The following KDM1B variants were observed in gnomAD, a reference collection of about 807,000 sequenced individuals.
KDM1B encodes the protein lysine-specific histone demethylase 2.
A neutral mutation model predicts 107.4 loss-of-function variants in KDM1B; 63 were observed. That is an observed-to-expected ratio of 0.59 (90% CI 0.48 to 0.72). The LOEUF (loss-of-function observed/expected upper bound fraction) is 0.72, where lower values mean the gene tolerates loss of function less well. Among genes scored for constraint, KDM1B ranks in the 30% least tolerant of loss-of-function variants. KDM1B has a pLI of 0.00. For synonymous variants in KDM1B, 363 were observed against 363.9 expected (o/e 1.00, Z 0.03); for missense variants, 749 against 1,020.8 (o/e 0.73, Z 3.63).
chr6:18,200,720 C>T lies in KDM1B; in HGVS notation c.1359+144C>T, dbSNP rs1048607453. The T allele has an allele frequency of 1.7e-6, 1 of 586,106 alleles. No homozygotes were observed. Among genetic ancestry groups the T allele is most frequent in the African/African-American group, 1.9e-5 (1 of 52,210 alleles). The allele number at this position is 586,106 out of a possible 1,614,324, so 36.3% of individuals were successfully genotyped here. On this transcript the variant is annotated intron_variant, in intron 13 of 21. Coordinates refer to ENST00000650836, the MANE Select transcript of KDM1B (RefSeq NM_001364614.2). The surrounding 1 kb of genome is among the most constrained non-coding windows in gnomAD (Gnocchi z 4.3). ...ATGCAAAGCAGTAAGAATTACACTT[C>T]TGCCTTTCTGAGAAGGTAGAACTAG...
chr6:18,190,711 G>A (rs1477451299), intron 9 of KDM1B, among the ~76,000 whole-genome samples: 4 of 152,082 alleles, frequency 2.6e-5, no homozygotes, highest in Admixed American at 6.6e-5. Flanking sequence ...AACCAGCTTG[G>A]CCAACATAGT....
chr6:18,202,968 T>C (rs1213233211), intron 14 of KDM1B, among the ~76,000 whole-genome samples: 1 of 152,246 alleles, frequency 6.6e-6, no homozygotes, highest in Admixed American at 6.5e-5. Context: ...TTCCTGGAGT[T>C]GAGAACAGTT....
At chr6:18,187,321 A>C (rs2150915285) in intron 8 of KDM1B, among the ~76,000 whole-genome samples, 1 of 152,308 alleles carries the variant, frequency 6.6e-6, no homozygotes, top group East Asian at 1.9e-4. Flanking sequence ...CTTTGGCAAA[A>C]AGCGGTAATA....
At position 18,185,414 on chromosome 6, in the gene KDM1B, G is replaced by A. The variant is rs1367582338; in HGVS notation, c.535-358G>A. 4.6e-5 allele frequency among the ~76,000 whole-genome samples: 7 copies of A among 151,884 alleles called. No individual in the cohort carries two copies. The East Asian group carries it at 1.2e-3, about 25-fold the overall frequency. On this transcript the variant is annotated intron_variant, in intron 7 of 21. Coordinates refer to ENST00000650836, the MANE Select transcript of KDM1B (RefSeq NM_001364614.2). ...CTTTCCGGGTCCCAGTGATTCTCCT[G>A]CCTCAGCCTCTCCAGTAGCTGAGAT...
chr6:18,197,602 A>T lies in KDM1B; in HGVS notation c.1162A>T (p.Ile388Phe). 6.2e-7 allele frequency: 1 copy of T among 1,613,840 alleles called. No homozygotes were observed. The highest frequency in any genetic ancestry group is 8.5e-7 in the Non-Finnish European group (1 of 1,179,734). Reference protein sequence around the residue: ...KDYHNKSVIIIGAGPAGLAAA... With the variant: ...KDYHNKSVIIFGAGPAGLAAA... ...TCTTTTTAAGAAATCAGTCATCATT[A>T]TCGGGGCTGGTCCAGCAGGATTAGC... The change falls in exon 12 of 22, where the codon ATC becomes TTC. Residue 388 changes from isoleucine (I) to phenylalanine (F), a missense_variant. Coordinates refer to ENST00000650836, the MANE Select transcript of KDM1B (RefSeq NM_001364614.2). The surrounding 1 kb of genome is among the most constrained non-coding windows in gnomAD (Gnocchi z 4.5).
At chr6:18,169,697 A>G (rs1341468583) in intron 6 of KDM1B, among the ~76,000 whole-genome samples, 2 of 152,090 alleles carry the variant, frequency 1.3e-5, no homozygotes, top group Non-Finnish European at 2.9e-5. Context: ...GTTACCGCTT[A>G]TAATTCGTTG....
At chr6:18,215,173 G>T in intron 20 of KDM1B, 44 bp downstream of exon 20, 27 of 1,584,044 alleles carry the variant, frequency 1.7e-5, no homozygotes, top group Non-Finnish European at 2.3e-5. Flanking sequence ...AGCCGTGCTT[G>T]CTATCCAGAG....
intron 7 of KDM1B, among the ~76,000 whole-genome samples, chr6:18,182,282 A>G (rs1049604591): frequency 6.6e-6 from 1 of 152,086 alleles, no homozygotes; most frequent in African/African-American, 2.4e-5. Flanking sequence ...TTGTTCCAGT[A>G]TGAATCGATT....
chr6:18,206,561 T>C (rs553904683), intron 15 of KDM1B, among the ~76,000 whole-genome samples: 1 of 152,200 alleles, frequency 6.6e-6, no homozygotes, highest in East Asian at 1.9e-4. Context: ...AGGAGGGCTA[T>C]TGGGCTGAAT....
intron 16 of KDM1B, 21 bp downstream of exon 16, chr6:18,207,550 G>T: frequency 1.2e-6 from 2 of 1,613,454 alleles, no homozygotes; most frequent in South Asian, 1.1e-5. Context: ...ACTGCTGGGA[G>T]GCTCTGGCTC....
At chr6:18,210,358 T>TTTTG (rs1788762672) in intron 17 of KDM1B, among the ~76,000 whole-genome samples, 1 of 90,344 alleles carries the variant, frequency 1.1e-5, no homozygotes, top group Non-Finnish European at 2.0e-5. Context: ...TTTTTTTTTT[T>TTTTG]TTTTTTTTTT....
chr6:18,199,233 AAG>A (rs1561940513), intron 12 of KDM1B, among the ~76,000 whole-genome samples: 1 of 151,968 alleles, frequency 6.6e-6, no homozygotes, highest in African/African-American at 2.4e-5. Context: ...CTGTCAGAGA[AAG>A]AGGGTAGAAC....
At chr6:18,170,250 C>G (rs1002475348) in intron 6 of KDM1B, among the ~76,000 whole-genome samples, 78 of 152,176 alleles carry the variant, frequency 5.1e-4, no homozygotes, top group African/African-American at 1.9e-3. Context: ...CAGAGAGTTT[C>G]CATATATCCT....
intron 16 of KDM1B, among the ~76,000 whole-genome samples, 168 bp downstream of exon 16, chr6:18,207,697 A>G (rs1788483344): frequency 6.6e-6 from 1 of 152,202 alleles, no homozygotes; most frequent in African/African-American, 2.4e-5. Context: ...CATGTCAGTG[A>G]GGCAGCTGCT....
chr6:18,221,286 C>CA (rs1161521689), intron 21 of KDM1B, among the ~76,000 whole-genome samples: 1 of 152,184 alleles, frequency 6.6e-6, no homozygotes. Flanking sequence ...AGCCACATCT[C>CA]AGACCTTGTC....
chr6:18,169,044 G>A (rs1283081364), intron 6 of KDM1B, among the ~76,000 whole-genome samples: 7 of 151,802 alleles, frequency 4.6e-5, no homozygotes, highest in East Asian at 3.9e-4. Context: ...GCTAATTTTT[G>A]TATTTTTAGT....
chr6:18,217,856 A>G lies in KDM1B; in HGVS notation c.2356A>G (p.Ile786Val). The change falls in exon 21 of 22, where the codon ATT becomes GTT. Residue 786 changes from isoleucine to valine, a missense_variant. Physicochemically the swap from Ile to Val is conservative, Grantham distance 29. Transcript: ENST00000650836. ...GEAYDIIAED[I>V]QGTVFFAGEA... ...GGCCTACGATATCATTGCTGAAGACATTCAAGGAACCGTCTTTTTCGCTGG... is the reference window on the plus strand; with the variant it reads ...GGCCTACGATATCATTGCTGAAGACGTTCAAGGAACCGTCTTTTTCGCTGG... The G allele has an allele frequency of 6.2e-7, 1 of 1,613,084 alleles. No homozygotes were observed. The highest frequency in any genetic ancestry group is 8.5e-7 in the Non-Finnish European group (1 of 1,179,770).
chr6:18,198,360 T>C (rs1200842537), intron 12 of KDM1B, among the ~76,000 whole-genome samples: 3 of 139,640 alleles, frequency 2.1e-5, no homozygotes, highest in African/African-American at 9.8e-5. Flanking sequence ...TTAAATCTAT[T>C]TATTTATTTT....
At chr6:18,167,538 A>C (rs1785383466) in intron 6 of KDM1B, among the ~76,000 whole-genome samples, 1 of 151,476 alleles carries the variant, frequency 6.6e-6, no homozygotes, top group Admixed American at 6.6e-5. Context: ...CAGTGGCACA[A>C]TCTTAGCTCA....
Sources: gnomAD v4.1 joint callset for allele counts (sites outside exome capture counted in the v4.1 genomes callset) on GRCh38, gnomAD v4.1.1 for gene constraint, Gnocchi (gnomAD v3.1) non-coding constraint, MANE v1.5 for transcripts, NCBI Gene and HGNC (gene_info 2026-07-23, HGNC 2026-07-21) for gene names.